Variants in CD55 observed in about 807,000 individuals in gnomAD.
CD55 encodes the protein CD55 molecule (Cromer blood group).
In CD55, 41 loss-of-function variants were observed where a neutral mutation model predicts 45.8. The ratio of observed to expected loss-of-function variants is 0.90; its 90% CI spans 0.70 to 1.16. The LOEUF is 1.16. CD55 is among the 50% of genes most tolerant of loss of function. The pLI is 0.00. For synonymous variants in CD55, 181 were observed against 181.1 expected (o/e 1.00, Z 0.01); for missense variants, 416 against 469.8 (o/e 0.89, Z 1.06).
intron 7 of CD55, 71 bp from the exon 8 acceptor site, chr1:207,337,258 C>T: frequency 1.0e-6 from 1 of 975,162 alleles, no homozygotes; most frequent in Middle Eastern, 2.1e-4. Flanking sequence ...CACGTAAGTC[C>T]ACTAATGTAC....
chr1:207,324,599 C>G lies in CD55; in HGVS notation c.327C>G (p.Leu109=). ...EVPTRLNSAS[L]KQPYITQNYF... is the part of the protein sequence containing the mutation. ...CAACAAGGCTAAATTCTGCATCCCTCAAACAGCCTTATATCACTCAGAATT... is the reference window on the plus strand; with the variant it reads ...CAACAAGGCTAAATTCTGCATCCCTGAAACAGCCTTATATCACTCAGAATT... Residue 109 remains leucine (L), a synonymous_variant, in exon 3 of 10, where the codon CTC becomes CTG. Coordinates refer to ENST00000367064, the MANE Select transcript of CD55 (RefSeq NM_000574.5). 6.3e-7 allele frequency: 1 copy of G among 1,597,808 alleles called. No homozygotes were observed. Among genetic ancestry groups the G allele is most frequent in the East Asian group, 2.3e-5 (1 of 44,342 alleles).
intron 6 of CD55, among the ~76,000 whole-genome samples, chr1:207,335,138 A>G (rs1225170174): frequency 6.6e-6 from 1 of 151,904 alleles, no homozygotes; most frequent in Non-Finnish European, 1.5e-5. Context: ...GCTTCAATCT[A>G]TATGTAGCAA....
intron 6 of CD55, among the ~76,000 whole-genome samples, chr1:207,332,574 G>A (rs1232966955): frequency 6.6e-6 from 1 of 152,062 alleles, no homozygotes; most frequent in Non-Finnish European, 1.5e-5. Flanking sequence ...GTAAAAATTT[G>A]TATTATTTGA....
Position 207,359,590 on chromosome 1 carries a change from A to T in CD55, c.1126A>T (p.Thr376Ser). The change falls in exon 10 of 10, where the codon ACC becomes TCC. Residue 376 changes from threonine (T) to serine (S), a missense_variant. Physicochemically the swap from Thr to Ser is moderately conservative, Grantham distance 58. This residue lies in a region of CD55 where 182 missense variants were observed against 201.4 expected (regional missense o/e 0.90). Transcript: ENST00000367064. ...GACAGGTTTGCTTGGGACGCTAGTA[A>T]CCATGGGCTTGCTGACTTAGCCAAA... is the stretch of plus-strand genomic sequence containing the variant. The part of the protein sequence containing the change: ...TLTGLLGTLV[T>S]MGLLT 6.3e-7 allele frequency: 1 copy of T among 1,594,400 alleles called. No individual in the cohort carries two copies. The highest frequency in any genetic ancestry group is 8.5e-7 in the Non-Finnish European group (1 of 1,172,168).
intron 9 of CD55, among the ~76,000 whole-genome samples, chr1:207,356,218 AAATTC>A (rs1171192396): frequency 6.6e-6 from 1 of 152,186 alleles, no homozygotes; most frequent in Non-Finnish European, 1.5e-5. Flanking sequence ...GAGTGAGCAG[AAATTC>A]TGATGATTTT....
chr1:207,353,040 G>GT (rs386369456), intron 9 of CD55, among the ~76,000 whole-genome samples: 1,710 of 47,426 alleles, frequency 0.036, 125 homozygotes, highest in African/African-American at 0.14. Context: ...CTATTACCAG[G>GT]TTTTTTTTTT....
At chr1:207,345,006 G>A (rs990826893) in intron 9 of CD55, among the ~76,000 whole-genome samples, 2 of 152,096 alleles carry the variant, frequency 1.3e-5, no homozygotes, top group African/African-American at 4.8e-5. Flanking sequence ...ATGAGCCACC[G>A]CACCGGGCCA....
chr1:207,342,070 G>T (rs1019456768), intron 9 of CD55, among the ~76,000 whole-genome samples: 1 of 151,830 alleles, frequency 6.6e-6, no homozygotes, highest in African/African-American at 2.4e-5. Flanking sequence ...AAATGTTATT[G>T]ATTTTTGTAT....
chr1:207,334,550 C>T lies in CD55; in HGVS notation c.854-2143C>T, dbSNP rs117039751. Among the ~76,000 whole-genome samples the T allele has an allele frequency of 8.8e-4, 134 of 152,110 alleles. 3 individuals carry two copies. The East Asian group carries it at 0.016, about 18-fold the overall frequency. ...AGAATACAAATGCACAATAACAATG[C>T]GAAAGGCAGAAAGAGGTAAATTCAT... On this transcript the variant is annotated intron_variant, in intron 6 of 9. Coordinates refer to ENST00000367064, the MANE Select transcript of CD55 (RefSeq NM_000574.5).
In CD55 at chr1:207,344,711, CT is replaced by C. The variant is rs551440149; in HGVS notation, c.1081+5307del. ...GAGTATAGTTTGTCATGGAGAAAAC[CT>C]TTTTTTTTTTTTGGTTTTGAGACAG... is the stretch of plus-strand genomic sequence containing the variant. On this transcript the variant is annotated intron_variant, in intron 9 of 9. Transcript: ENST00000367064. 3.4e-3 allele frequency among the ~76,000 whole-genome samples: 474 copies of C among 141,226 alleles called. 1 individual carries two copies. The highest frequency in any genetic ancestry group is 7.9e-3 in the East Asian group (39 of 4,928). The allele number at this position is 141,226 out of a possible 152,430, so 92.6% of individuals were successfully genotyped here. A position where few individuals can be genotyped will look rare whatever the true frequency, so the allele number is the denominator to read the frequency against.
rs1209465937 is a variant in CD55 at position 207,337,421 on chromosome 1, C to T, written c.1060+12C>T. The T allele has an allele frequency of 1.4e-6, 2 of 1,471,012 alleles. No individual in the cohort carries two copies. Among genetic ancestry groups the T allele is most frequent in the African/African-American group, 2.8e-5 (2 of 71,958 alleles). The allele number at this position is 1,471,012 out of a possible 1,614,324, so 91.1% of individuals were successfully genotyped here. ...TGGAACCACTTCAGGTCAGTTGACA[C>T]TGTTCAGGTTTACTGAGTATGGATC... On this transcript the variant is annotated intron_variant, in intron 8 of 9. Coordinates refer to ENST00000367064, the MANE Select transcript of CD55 (RefSeq NM_000574.5).
At position 207,347,414 on chromosome 1, in the gene CD55, CA is replaced by C. The variant is rs879236115; in HGVS notation, c.1081+7998del. 26 of 350,924 alleles carry C rather than the reference CA, an allele frequency of 7.4e-5. 2 individuals are homozygous for C. The highest frequency in any genetic ancestry group is 5.7e-4 in the South Asian group (26 of 45,642). 21.7% of individuals were successfully genotyped at this position (350,924 alleles called of 1,614,324 possible). ...AGCTGGGACTATAGGCGCCTGCCAC[CA>C]CACCCGGCTAATTTTTTGTATTTTT... On this transcript the variant is annotated intron_variant, in intron 9 of 9. Transcript: ENST00000367064.
intron 8 of CD55, among the ~76,000 whole-genome samples, chr1:207,338,008 A>G (rs184451400): frequency 6.6e-6 from 1 of 152,318 alleles, no homozygotes; most frequent in East Asian, 1.9e-4. Flanking sequence ...AAATGATTTT[A>G]TATATTTCAT....
chr1:207,346,564 C>G (rs1230820319), intron 9 of CD55, among the ~76,000 whole-genome samples: 1 of 152,150 alleles, frequency 6.6e-6, no homozygotes, highest in Non-Finnish European at 1.5e-5. Context: ...GGGGCACATG[C>G]AGTTTGCTCA....
intron 9 of CD55, among the ~76,000 whole-genome samples, chr1:207,344,996 A>G (rs76784009): frequency 1.3e-5 from 2 of 152,278 alleles, no homozygotes; most frequent in East Asian, 3.9e-4. Context: ...GATTACAGGC[A>G]TGAGCCACCG....
chr1:207,337,036 A>G (rs983207915), intron 7 of CD55: 9 of 629,788 alleles, frequency 1.4e-5, no homozygotes, highest in Non-Finnish European at 8.3e-6. Flanking sequence ...CAGGAACCCT[A>G]CCAACTCTTC....
intron 9 of CD55, among the ~76,000 whole-genome samples, chr1:207,343,782 T>C (rs565972330): frequency 3.0e-4 from 46 of 152,316 alleles, no homozygotes; most frequent in African/African-American, 8.9e-4. Context: ...TTAACAATTA[T>C]TGTATTGGAG....
At chr1:207,337,539 T>C in intron 8 of CD55, 130 bp downstream of exon 8, 1 of 568,892 alleles carries the variant, frequency 1.8e-6, no homozygotes, top group Non-Finnish European at 3.1e-6. Flanking sequence ...TACTAATACT[T>C]TTTACTTTAT....
chr1:207,344,429 T>C (rs1004902999), intron 9 of CD55, among the ~76,000 whole-genome samples: 4 of 152,212 alleles, frequency 2.6e-5, no homozygotes, highest in African/African-American at 9.6e-5. Flanking sequence ...AATTCCATCA[T>C]GGTGATTAAT....
Sources: gnomAD v4.1 joint callset for allele counts (sites outside exome capture counted in the v4.1 genomes callset) on GRCh38, gnomAD v4.1.1 for gene constraint, gnomAD v4.1.1 regional missense constraint, MANE v1.5 for transcripts, NCBI Gene and HGNC (gene_info 2026-07-23, HGNC 2026-07-21) for gene names.